ARNT: variants seen among roughly 807,000 people sequenced by gnomAD.
The protein encoded by ARNT is aryl hydrocarbon receptor nuclear translocator.
ARNT carries 30 observed loss-of-function variants against 105.0 expected under a neutral mutation model. The ratio of observed to expected loss-of-function variants is 0.29; its 90% CI spans 0.21 to 0.39. The LOEUF is 0.39. Ranked by LOEUF, ARNT falls within the 10% of genes least tolerant of loss-of-function variation. The probability of loss-of-function intolerance (pLI) is 1.00; values close to 1 mark genes in which losing one functional copy is unlikely to be tolerated. For missense variants in ARNT, 748 were observed against 978.7 expected, an observed-to-expected ratio of 0.76 and a Z score of 3.15; for synonymous variants, 304 against 344.0, an observed-to-expected ratio of 0.88 and a Z score of 1.29.
intron 21 of ARNT, among the ~76,000 whole-genome samples, 187 bp from the exon 22 acceptor site, chr1:150,812,297 T>C (rs1654895793): frequency 6.6e-6 from 1 of 152,220 alleles, no homozygotes; most frequent in African/African-American, 2.4e-5. Flanking sequence ...TAATCCCTTC[T>C]GTCTTCCTCC....
chr1:150,855,729 A>G (rs1006873689), intron 2 of ARNT, among the ~76,000 whole-genome samples: 2 of 150,034 alleles, frequency 1.3e-5, no homozygotes, highest in Non-Finnish European at 3.0e-5. Context: ...TAGTGAGACC[A>G]TGTCTTTAAA....
intron 6 of ARNT, among the ~76,000 whole-genome samples, chr1:150,837,598 T>C (rs977509084): frequency 2.6e-5 from 4 of 152,194 alleles, no homozygotes; most frequent in Admixed American, 2.0e-4. Context: ...CAGACTTCCT[T>C]TCCTTTGTTC....
intron 2 of ARNT, among the ~76,000 whole-genome samples, chr1:150,856,837 G>A (rs1664704305): frequency 1.3e-5 from 2 of 151,638 alleles, no homozygotes; most frequent in Non-Finnish European, 2.9e-5. Flanking sequence ...GCTCACGCCT[G>A]TAATCCCAGT....
intron 14 of ARNT, among the ~76,000 whole-genome samples, chr1:150,822,663 T>G (rs1218293076): frequency 6.6e-6 from 1 of 152,156 alleles, no homozygotes; most frequent in African/African-American, 2.4e-5. Flanking sequence ...AATAAACTGG[T>G]AAACATAGGT....
At chr1:150,817,464 ATAG>A in intron 15 of ARNT, 31 bp from the exon 16 acceptor site, 2 of 1,606,222 alleles carry the variant, frequency 1.2e-6, no homozygotes, top group Non-Finnish European at 1.7e-6. Flanking sequence ...GACAAGACAA[ATAG>A]AAAAAAAAAT....
intron 13 of ARNT, among the ~76,000 whole-genome samples, chr1:150,826,256 G>C (rs10305718): frequency 0.051 from 7,744 of 152,214 alleles, 676 homozygotes; most frequent in African/African-American, 0.18. Flanking sequence ...GAGGTTGGGC[G>C]CATGAGCCAC....
At chr1:150,851,924 T>C (rs1195193787) in intron 3 of ARNT, among the ~76,000 whole-genome samples, 1 of 152,008 alleles carries the variant, frequency 6.6e-6, no homozygotes, top group Non-Finnish European at 1.5e-5. Flanking sequence ...GGCACGCACC[T>C]GTAGTCCCGG....
intron 3 of ARNT, among the ~76,000 whole-genome samples, chr1:150,851,102 C>A (rs1190381400): frequency 7.0e-6 from 1 of 142,836 alleles, no homozygotes; most frequent in Non-Finnish European, 1.5e-5. Flanking sequence ...CCGCCCCGTC[C>A]GGGAAGTGAG....
chr1:150,836,939 G>A (rs189747500), intron 6 of ARNT, among the ~76,000 whole-genome samples: 5 of 152,150 alleles, frequency 3.3e-5, no homozygotes, highest in Non-Finnish European at 7.4e-5. Flanking sequence ...GGTGGCACAC[G>A]CCTGTAGTCC....
At chr1:150,846,963 T>A (rs1339688456) in intron 3 of ARNT, among the ~76,000 whole-genome samples, 2 of 152,248 alleles carry the variant, frequency 1.3e-5, no homozygotes, top group Non-Finnish European at 2.9e-5. Context: ...TTTTTAAGGC[T>A]GAATAATATT....
intron 4 of ARNT, among the ~76,000 whole-genome samples, chr1:150,842,670 A>G (rs974023283): frequency 6.6e-6 from 1 of 152,130 alleles, no homozygotes; most frequent in Non-Finnish European, 1.5e-5. Flanking sequence ...ATAGGCAGGA[A>G]CCTTGCCTGT....
chr1:150,869,218 C>T (rs1190122672), intron 1 of ARNT, among the ~76,000 whole-genome samples: 1 of 152,126 alleles, frequency 6.6e-6, no homozygotes, highest in Non-Finnish European at 1.5e-5. Flanking sequence ...TAGCTCAAGC[C>T]TATAATCCCA....
chr1:150,816,505 CT>C (rs1655912664), intron 18 of ARNT, 99 bp from the exon 19 acceptor site: 1 of 1,390,636 alleles, frequency 7.2e-7, no homozygotes, highest in African/African-American at 1.5e-5. Context: ...ATCCCCTTGA[CT>C]TCCTGCAGGT....
At chr1:150,834,808 C>G in intron 7 of ARNT, 168 bp from the exon 8 acceptor site, 1 of 529,334 alleles carries the variant, frequency 1.9e-6, no homozygotes, top group East Asian at 3.1e-5. Context: ...GCCTAAAATA[C>G]TTCAATTATC....
At position 150,819,232 on chromosome 1, in the gene ARNT, A is replaced by G. The variant is rs1656576553; in HGVS notation, c.1395-1202T>C. On this transcript the variant is annotated intron_variant, in intron 14 of 21. Transcript: ENST00000358595. ...ACCTACTAGATGGCTACAATAAAAAAAAAAAGGCAATAACAAGTGTTAACA... is the reference window on the plus strand; with the variant it reads ...ACCTACTAGATGGCTACAATAAAAAGAAAAAGGCAATAACAAGTGTTAACA... Among the ~76,000 whole-genome samples, 3 of 152,138 alleles carry G rather than the reference A, an allele frequency of 2.0e-5. No homozygotes were observed. The South Asian group carries it at 6.2e-4, about 32-fold the overall frequency.
chr1:150,846,981 A>G (rs147137608), intron 3 of ARNT, among the ~76,000 whole-genome samples: 44 of 152,308 alleles, frequency 2.9e-4, no homozygotes, highest in African/African-American at 9.1e-4. Flanking sequence ...ATTCCCTTGT[A>G]TGTACATACT....
chr1:150,818,117 G>T, intron 14 of ARNT, 87 bp from the exon 15 acceptor site: 2 of 938,902 alleles, frequency 2.1e-6, no homozygotes, highest in South Asian at 1.5e-5. Context: ...GATTCTGTAT[G>T]TAAAGCTCTA....
chr1:150,850,707 G>A (rs994920795), intron 3 of ARNT, among the ~76,000 whole-genome samples: 8 of 152,144 alleles, frequency 5.3e-5, no homozygotes, highest in East Asian at 3.8e-4. Context: ...CCGCCACCCC[G>A]TCTGGGAAGT....
intron 14 of ARNT, chr1:150,818,355 A>G (rs1479259446): frequency 5.3e-6 from 1 of 187,960 alleles, no homozygotes; most frequent in African/African-American, 2.3e-5. Context: ...GAAAGTACAT[A>G]CACTGTACAT....
Sources: gnomAD v4.1 joint callset for allele counts (sites outside exome capture counted in the v4.1 genomes callset) on GRCh38, gnomAD v4.1.1 for gene constraint, MANE v1.5 for transcripts, NCBI Gene and HGNC (gene_info 2026-07-23, HGNC 2026-07-21) for gene names.